Variants in RBFOX2 observed in about 807,000 individuals in gnomAD.
The protein encoded by RBFOX2 is RNA binding fox-1 homolog 2.
A neutral mutation model predicts 49.1 loss-of-function variants in RBFOX2; 10 were observed. The observed-to-expected ratio is 0.20, with a 90% CI of 0.13 to 0.35. RBFOX2 has a LOEUF of 0.35. Among genes scored for constraint, RBFOX2 ranks in the 10% least tolerant of loss-of-function variants. RBFOX2 has a pLI of 1.00. For synonymous variants in RBFOX2, 183 were observed against 187.4 expected (o/e 0.98, Z 0.19); for missense variants, 323 against 486.9 (o/e 0.66, Z 3.17).
exon 3 of RBFOX2, chr22:35,781,606 C>G: frequency 6.2e-7 from 1 of 1,613,954 alleles, no homozygotes. Flanking sequence ...TTACCCCAAA[C>G]ATCTGCCGGA....
At chr22:35,931,559 G>A (rs1434753433) in intron 1 of RBFOX2, among the ~76,000 whole-genome samples, 5 of 152,120 alleles carry the variant, frequency 3.3e-5, no homozygotes, top group Non-Finnish European at 7.4e-5. Context: ...TGGAACGCAT[G>A]AACTCAGGAG....
rs530706147 is a variant in RBFOX2, at chr22:35,953,977, C to T, written c.42+7586G>A. ...GTAGATATTTGCCTATTTCCCTAAA[C>T]GCTTAATAGGTTAGCCCTTCCTTTC... On this transcript the variant is annotated intron_variant, in intron 1 of 5. Transcript: ENST00000408983. 4.4e-3 allele frequency among the ~76,000 whole-genome samples: 677 copies of T among 152,204 alleles called. 4 individuals are homozygous for T. Among genetic ancestry groups the T allele is most frequent in the Non-Finnish European group, 8.0e-3 (547 of 67,994 alleles).
intron 2 of RBFOX2, among the ~76,000 whole-genome samples, chr22:35,787,992 G>T (rs1366413510): frequency 6.6e-6 from 1 of 152,176 alleles, no homozygotes; most frequent in Non-Finnish European, 1.5e-5. Context: ...TGGTGCAGCT[G>T]AGCTAGCCAT....
At chr22:35,837,068 T>C (rs1486667004) in intron 1 of RBFOX2, among the ~76,000 whole-genome samples, 2 of 152,234 alleles carry the variant, frequency 1.3e-5, no homozygotes, top group Admixed American at 1.3e-4. Context: ...TATTAGAATT[T>C]TGTGATTAAA....
intron 1 of RBFOX2, among the ~76,000 whole-genome samples, chr22:35,816,127 A>G (rs1299674278): frequency 6.6e-6 from 1 of 152,222 alleles, no homozygotes; most frequent in Non-Finnish European, 1.5e-5. Context: ...TAAATAAATC[A>G]GATAAACACA....
chr22:35,862,547 G>A (rs2043216200), intron 1 of RBFOX2, among the ~76,000 whole-genome samples: 1 of 152,048 alleles, frequency 6.6e-6, no homozygotes, highest in Admixed American at 6.6e-5. Context: ...TCCTCACTTT[G>A]CCAGACATAT....
At chr22:35,792,564 A>T (rs1214546197) in intron 2 of RBFOX2, among the ~76,000 whole-genome samples, 1 of 152,144 alleles carries the variant, frequency 6.6e-6, no homozygotes, top group Non-Finnish European at 1.5e-5. Flanking sequence ...ATAGCCTACT[A>T]AGTATTTGAT....
rs532535057 is a variant in RBFOX2, at chr22:35,806,237, T to C, written c.252+3543A>G. Among the ~76,000 whole-genome samples, 10 of 152,102 alleles carry C rather than the reference T, an allele frequency of 6.6e-5. No individual in the cohort carries two copies. The East Asian group carries it at 1.9e-3, about 29-fold the overall frequency. ...TGCATGTGTGGGAACAGAAAGTATA[T>C]GGGATAAGTCTGTACTATCTTCTCA... On this transcript the variant is annotated intron_variant, in intron 2 of 11. Coordinates refer to ENST00000405409, the Ensembl canonical transcript of RBFOX2.
rs58692076 is a variant in RBFOX2 at position 35,850,193 on chromosome 22, T to TACACACACACAC, written c.-33-40201_-33-40190dup. On this transcript the variant is annotated intron_variant, in intron 1 of 13. Coordinates refer to the RBFOX2 transcript ENST00000359369. ...ATGCGCATTCTCTGTCTCTCTCTCA[T>TACACACACACAC]ACACACACACACACACACACACACA... Among the ~76,000 whole-genome samples, 1,220 of 132,556 alleles carry TACACACACACAC rather than the reference T, an allele frequency of 9.2e-3. 16 individuals are homozygous for TACACACACACAC. Among genetic ancestry groups the TACACACACACAC allele is most frequent in the East Asian group, 0.017 (77 of 4,420 alleles). 87.0% of individuals were successfully genotyped at this position (132,556 alleles called of 152,430 possible).
intron 2 of RBFOX2, among the ~76,000 whole-genome samples, chr22:35,785,171 A>G (rs1946129845): frequency 6.6e-6 from 1 of 151,988 alleles, no homozygotes; most frequent in Admixed American, 6.5e-5. Flanking sequence ...CTGAATATGC[A>G]TTTTTAATCA....
At chr22:36,004,807 A>G (rs2058560290) in intron 1 of RBFOX2, among the ~76,000 whole-genome samples, 1 of 152,128 alleles carries the variant, frequency 6.6e-6, no homozygotes, top group African/African-American at 2.4e-5. Flanking sequence ...AAAAAAAAAA[A>G]AGTTAAACCA....
chr22:35,927,168 AT>A (rs2051744424), intron 1 of RBFOX2, among the ~76,000 whole-genome samples: 1 of 152,230 alleles, frequency 6.6e-6, no homozygotes, highest in Non-Finnish European at 1.5e-5. Flanking sequence ...GAAAAATTTC[AT>A]AAGGGAGATT....
chr22:36,013,646 C>CAGAGAG (rs200585039), intron 1 of RBFOX2, among the ~76,000 whole-genome samples: 4 of 147,162 alleles, frequency 2.7e-5, no homozygotes, highest in African/African-American at 8.1e-5. Flanking sequence ...CACACACACA[C>CAGAGAG]ACAGAGAGAG....
At chr22:35,985,987 C>T (rs1173682905) in intron 1 of RBFOX2, among the ~76,000 whole-genome samples, 2 of 151,958 alleles carry the variant, frequency 1.3e-5, no homozygotes, top group Non-Finnish European at 2.9e-5. Context: ...GGCAGCAAAC[C>T]CTTGTTGCTC....
intron 1 of RBFOX2, among the ~76,000 whole-genome samples, chr22:35,947,789 G>C (rs1296870212): frequency 1.3e-5 from 2 of 148,930 alleles, no homozygotes; most frequent in African/African-American, 5.0e-5. Flanking sequence ...TTTAAGCTAA[G>C]TGTTATTACA....
chr22:35,989,677 A>C (rs1727292055), intron 1 of RBFOX2, among the ~76,000 whole-genome samples: 1 of 152,192 alleles, frequency 6.6e-6, no homozygotes, highest in Non-Finnish European at 1.5e-5. Context: ...GCAGATTTAA[A>C]ATCTTGGGAA....
chr22:35,956,584 T>A (rs1431700343), intron 1 of RBFOX2, among the ~76,000 whole-genome samples: 2 of 151,978 alleles, frequency 1.3e-5, no homozygotes. Flanking sequence ...ATGGTCTCGA[T>A]CTCCTGACCT....
intron 11 of RBFOX2, among the ~76,000 whole-genome samples, chr22:35,744,693 T>C (rs1931753982): frequency 6.6e-6 from 1 of 152,246 alleles, no homozygotes; most frequent in Non-Finnish European, 1.5e-5. Flanking sequence ...ATCCCTGCCA[T>C]GTGTGGTCAC....
intron 1 of RBFOX2, among the ~76,000 whole-genome samples, chr22:35,910,730 G>C (rs1241509871): frequency 6.6e-6 from 1 of 151,944 alleles, no homozygotes; most frequent in Non-Finnish European, 1.5e-5. Context: ...GGAGGTTGAG[G>C]GTCTTCTGAA....
Sources: gnomAD v4.1 joint callset for allele counts (sites outside exome capture counted in the v4.1 genomes callset) on GRCh38, gnomAD v4.1.1 for gene constraint, MANE v1.5 for transcripts, NCBI Gene and HGNC (gene_info 2026-07-23, HGNC 2026-07-21) for gene names.